Variants in AMBRA1 observed in about 807,000 individuals in gnomAD.
AMBRA1 encodes the protein activating molecule in BECN1-regulated autophagy protein 1.
Under a neutral mutation model 125.4 loss-of-function variants are expected in AMBRA1, and 47 were observed. The observed-to-expected ratio is 0.37, with a 90% CI of 0.30 to 0.48. AMBRA1 has a LOEUF of 0.48. Ranked by LOEUF, AMBRA1 falls within the 20% of genes least tolerant of loss-of-function variation. The pLI is 0.99. For synonymous variants in AMBRA1, 626 were observed against 655.5 expected (o/e 0.95, Z 0.69); for missense variants, 1,331 against 1,693.4 (o/e 0.79, Z 3.76).
intron 11 of AMBRA1, among the ~76,000 whole-genome samples, chr11:46,474,822 C>G (rs1014064322): frequency 6.6e-6 from 1 of 152,130 alleles, no homozygotes; most frequent in African/African-American, 2.4e-5. Flanking sequence ...AAATACAGTA[C>G]TGGTTCACTG....
At chr11:46,431,923 G>A (rs140687038) in intron 14 of AMBRA1, among the ~76,000 whole-genome samples, 1 of 152,262 alleles carries the variant, frequency 6.6e-6, no homozygotes, top group East Asian at 1.9e-4. Flanking sequence ...ATATCAAGAG[G>A]ACAGAATGAC....
At position 46,397,401 on chromosome 11, in the gene AMBRA1, C is replaced by T. The variant is rs770813259; in HGVS notation, c.*49G>A. The T allele has an allele frequency of 1.6e-5, 23 of 1,458,578 alleles. No individual in the cohort carries two copies. In the Admixed American group the frequency reaches 2.2e-4, roughly 14 times the overall value. The allele number at this position is 1,458,578 out of a possible 1,614,324, so 90.4% of individuals were successfully genotyped here. A position where few individuals can be genotyped will look rare whatever the true frequency, so the allele number is the denominator to read the frequency against. Reference sequence around the variant, plus strand: ...CCAGTTCCCAGTCAGCTGTGAGGTCCGGTTTCTGCTTGGCGGTTCGAGGGG... The same window carrying T: ...CCAGTTCCCAGTCAGCTGTGAGGTCTGGTTTCTGCTTGGCGGTTCGAGGGG... On this transcript the variant is annotated 3_prime_UTR_variant, in exon 18 of 18. Coordinates refer to ENST00000683756, the MANE Select transcript of AMBRA1 (RefSeq NM_001387011.1).
chr11:46,543,830 T>C, intron 6 of AMBRA1, 145 bp downstream of exon 6: 2 of 714,268 alleles, frequency 2.8e-6, no homozygotes, highest in Non-Finnish European at 4.7e-6. Context: ...ACCCTGAATA[T>C]ACAGTCTGAA....
At chr11:46,399,435 T>C (rs552559219) in intron 17 of AMBRA1, among the ~76,000 whole-genome samples, 2 of 151,206 alleles carry the variant, frequency 1.3e-5, no homozygotes, top group African/African-American at 4.9e-5. Flanking sequence ...GGCACAATCT[T>C]GGCTCACTGC....
intron 11 of AMBRA1, among the ~76,000 whole-genome samples, chr11:46,452,450 T>A (rs901128893): frequency 6.6e-6 from 1 of 152,066 alleles, no homozygotes; most frequent in Non-Finnish European, 1.5e-5. Context: ...TCCCAGTAAC[T>A]AGGACAACAG....
chr11:46,588,463 T>TC (rs1302058002), intron 1 of AMBRA1, among the ~76,000 whole-genome samples: 1 of 152,152 alleles, frequency 6.6e-6, no homozygotes, highest in East Asian at 1.9e-4. Context: ...ACATACTTTT[T>TC]CTCAATGTAA....
intron 1 of AMBRA1, among the ~76,000 whole-genome samples, chr11:46,557,927 G>A (rs1200308389): frequency 5.9e-5 from 9 of 151,716 alleles, no homozygotes; most frequent in African/African-American, 2.2e-4. Flanking sequence ...AGCCCAGCTT[G>A]TGCCACTACA....
chr11:46,557,454 G>A (rs1363086440), intron 1 of AMBRA1, among the ~76,000 whole-genome samples: 1 of 152,174 alleles, frequency 6.6e-6, no homozygotes, highest in African/African-American at 2.4e-5. Context: ...ACCGTCCACT[G>A]TAGAGGTCTC....
chr11:46,460,566 G>A (rs766638360), intron 11 of AMBRA1, among the ~76,000 whole-genome samples: 7 of 151,972 alleles, frequency 4.6e-5, no homozygotes, highest in Non-Finnish European at 8.8e-5. Context: ...CTCGTGATCC[G>A]CCCACCTCAG....
Position 46,434,978 on chromosome 11 carries a change from A to G in AMBRA1, c.2692T>C (p.Ser898Pro). Residue 898 changes from serine to proline, a missense_variant, in exon 13 of 18, where the codon TCT becomes CCT. Ser to Pro is a moderately conservative substitution (Grantham distance 74). Transcript: ENST00000683756. The part of the protein sequence containing the change: ...KIYNDASCDI[S>P]ADGQLLAAFI... Reference sequence around the variant, plus strand: ...GCTGCCAGGAGCTGGCCATCTGCAGAAATGTCACAGCTGGCATCATTGTAG... The same window carrying G: ...GCTGCCAGGAGCTGGCCATCTGCAGGAATGTCACAGCTGGCATCATTGTAG... 1.2e-6 allele frequency: 2 copies of G among 1,613,858 alleles called. No homozygotes were observed. The highest frequency in any genetic ancestry group is 1.7e-6 in the Non-Finnish European group (2 of 1,179,896).
At chr11:46,535,111 A>G (rs965183747) in intron 7 of AMBRA1, among the ~76,000 whole-genome samples, 1 of 152,226 alleles carries the variant, frequency 6.6e-6, no homozygotes, top group Non-Finnish European at 1.5e-5. Context: ...CTCTTCCTAG[A>G]AAGAACACGT....
intron 11 of AMBRA1, among the ~76,000 whole-genome samples, chr11:46,481,622 C>CA (rs1950074477): frequency 6.6e-6 from 1 of 152,138 alleles, no homozygotes; most frequent in Non-Finnish European, 1.5e-5. Flanking sequence ...CTCGGCCTCC[C>CA]AAAGTGCTGG....
At chr11:46,528,304 TG>T (rs2135119965) in intron 7 of AMBRA1, among the ~76,000 whole-genome samples, 1 of 152,304 alleles carries the variant, frequency 6.6e-6, no homozygotes, top group African/African-American at 2.4e-5. Context: ...CCTGAGTAGC[TG>T]GGTTACAGGT....
At chr11:46,539,108 C>A (rs541351842) in intron 7 of AMBRA1, among the ~76,000 whole-genome samples, 4 of 151,068 alleles carry the variant, frequency 2.6e-5, no homozygotes, top group African/African-American at 9.8e-5. Context: ...CGGGAGCAGA[C>A]GGAATATAGA....
chr11:46,582,867 C>G (rs957841012), intron 1 of AMBRA1, among the ~76,000 whole-genome samples: 14 of 151,028 alleles, frequency 9.3e-5, no homozygotes, highest in Non-Finnish European at 1.8e-4. Flanking sequence ...TGAAAAGGTA[C>G]GAATTGAGAT....
chr11:46,541,255 C>A (rs1224125279), intron 7 of AMBRA1, among the ~76,000 whole-genome samples: 1 of 152,176 alleles, frequency 6.6e-6, no homozygotes, highest in East Asian at 1.9e-4. Context: ...GGATGCCAAT[C>A]TGAGTATGGA....
chr11:46,485,098 C>T (rs377503864), intron 11 of AMBRA1, among the ~76,000 whole-genome samples: 117 of 152,094 alleles, frequency 7.7e-4, no homozygotes, highest in Middle Eastern at 3.4e-3. Flanking sequence ...CCACCACGCC[C>T]GGCTAATTTT....
chr11:46,406,186 T>C (rs1314214552), intron 17 of AMBRA1, among the ~76,000 whole-genome samples: 1 of 151,728 alleles, frequency 6.6e-6, no homozygotes, highest in Non-Finnish European at 1.5e-5. Context: ...CCTCAGTAGC[T>C]GGGATTACAG....
chr11:46,568,252 G>GT (rs2043610446), intron 1 of AMBRA1, among the ~76,000 whole-genome samples: 1 of 152,102 alleles, frequency 6.6e-6, no homozygotes. Flanking sequence ...GAGGTCAAGA[G>GT]TGCAAGACCA....
Sources: gnomAD v4.1 joint callset for allele counts (sites outside exome capture counted in the v4.1 genomes callset) on GRCh38, gnomAD v4.1.1 for gene constraint, MANE v1.5 for transcripts, NCBI Gene and HGNC (gene_info 2026-07-23, HGNC 2026-07-21) for gene names.